PTPRN2: variants seen among roughly 807,000 people sequenced by gnomAD.
The protein encoded by PTPRN2 is receptor-type tyrosine-protein phosphatase N2.
A neutral mutation model predicts 118.8 loss-of-function variants in PTPRN2; 74 were observed. The ratio of observed to expected loss-of-function variants is 0.62; its 90% confidence interval spans 0.52 to 0.76. The LOEUF is 0.76. Ranked by LOEUF, PTPRN2 falls within the 30% of genes least tolerant of loss-of-function variation. PTPRN2 has a pLI of 0.00. For synonymous variants in PTPRN2, 641 were observed against 608.0 expected (o/e 1.05, Z -0.80); for missense variants, 1,481 against 1,394.4 (o/e 1.06, Z -0.99).
At chr7:157,643,500 G>A (rs528602426) in intron 14 of PTPRN2, among the ~76,000 whole-genome samples, 9 of 152,346 alleles carry the variant, frequency 5.9e-5, no homozygotes, top group South Asian at 2.1e-4. Context: ...GCACTGTGGC[G>A]GAGGTGTGGG....
chr7:157,634,768 C>T (rs1006275032), intron 14 of PTPRN2, among the ~76,000 whole-genome samples: 1 of 152,226 alleles, frequency 6.6e-6, no homozygotes, highest in African/African-American at 2.4e-5. Flanking sequence ...CGTAGGCTGA[C>T]AGGGGTTCTA....
At position 158,523,697 on chromosome 7, in the gene PTPRN2, GTGGAGT is replaced by G. The variant is rs1235636343; in HGVS notation, c.113-33918_113-33913del. 2.6e-3 allele frequency among the ~76,000 whole-genome samples: 383 copies of G among 147,336 alleles called. 2 individuals are homozygous for G. The highest frequency in any genetic ancestry group is 3.5e-3 in the Middle Eastern group (1 of 286). On this transcript the variant is annotated intron_variant, in intron 1 of 22. Coordinates refer to ENST00000389418, the MANE Select transcript of PTPRN2 (RefSeq NM_002847.5). Reference sequence around the variant, plus strand: ...CTGGAGCGGAGTCGTCTGCCCTGGAGTGGAGTCGTCTGCCCTGGAGTGGAGTCTGCC... The same window carrying G: ...CTGGAGCGGAGTCGTCTGCCCTGGAGCGTCTGCCCTGGAGTGGAGTCTGCC...
At chr7:158,579,594 G>A (rs189518257) in intron 1 of PTPRN2, among the ~76,000 whole-genome samples, 113 of 152,356 alleles carry the variant, frequency 7.4e-4, no homozygotes, top group African/African-American at 2.6e-3. Flanking sequence ...TGATTGGAAA[G>A]ATAAGGTGAC....
chr7:158,317,517 CAG>C (rs1430771662), intron 2 of PTPRN2, among the ~76,000 whole-genome samples: 1 of 152,222 alleles, frequency 6.6e-6, no homozygotes, highest in East Asian at 1.9e-4. Flanking sequence ...TCTGAAATGG[CAG>C]ACTCTGCTCA....
intron 3 of PTPRN2, among the ~76,000 whole-genome samples, chr7:158,221,229 A>C (rs926602436): frequency 2.6e-5 from 4 of 152,146 alleles, no homozygotes; most frequent in African/African-American, 7.2e-5. Context: ...AGATGGCTTA[A>C]AGATTTAAAT....
intron 6 of PTPRN2, among the ~76,000 whole-genome samples, chr7:158,161,216 G>C (rs1585688820): frequency 6.6e-6 from 1 of 152,316 alleles, no homozygotes; most frequent in Middle Eastern, 3.4e-3. Flanking sequence ...ATACAAGCAA[G>C]TTTATTCTAA....
chr7:157,959,506 C>T (rs1009544836), intron 11 of PTPRN2, among the ~76,000 whole-genome samples: 1 of 152,310 alleles, frequency 6.6e-6, no homozygotes, highest in Middle Eastern at 3.4e-3. Flanking sequence ...AAGACTCCTA[C>T]ACCCAACAAC....
At chr7:158,048,924 A>G (rs1809101522) in intron 11 of PTPRN2, among the ~76,000 whole-genome samples, 1 of 126,568 alleles carries the variant, frequency 7.9e-6, no homozygotes, top group Admixed American at 7.8e-5. Flanking sequence ...CACCATCATC[A>G]CTATCACCAA....
chr7:157,875,243 C>T lies in PTPRN2; in HGVS notation c.1788+23430G>A, dbSNP rs559272685. Among the ~76,000 whole-genome samples, 12 of 152,300 alleles carry T rather than the reference C, an allele frequency of 7.9e-5. No homozygotes were observed. In the South Asian group the frequency reaches 2.1e-3, roughly 26 times the overall value. ...TAAAGGGCTTGGAAACGGTCCAGACCGTGCTGTCCTGGAAGTCTCCTGGGG... is the reference window on the plus strand; with the variant it reads ...TAAAGGGCTTGGAAACGGTCCAGACTGTGCTGTCCTGGAAGTCTCCTGGGG... On this transcript the variant is annotated intron_variant, in intron 12 of 22. Coordinates refer to ENST00000389418, the MANE Select transcript of PTPRN2 (RefSeq NM_002847.5).
chr7:158,578,430 G>A (rs1828453504), intron 1 of PTPRN2, among the ~76,000 whole-genome samples: 1 of 151,478 alleles, frequency 6.6e-6, no homozygotes, highest in Admixed American at 6.6e-5. Context: ...AGCTACTCAG[G>A]AGGCTGAGTG....
In PTPRN2 at chr7:158,211,962, C is replaced by T. The variant is rs535525069; in HGVS notation, c.278-6689G>A. ...ACAACAGTGAACATTTGGAAGCAAC[C>T]TAAATGTCCATCAACAGATGAATGG... On this transcript the variant is annotated intron_variant, in intron 3 of 22. Transcript: ENST00000389418. 3.3e-5 allele frequency among the ~76,000 whole-genome samples: 5 copies of T among 152,268 alleles called. No individual in the cohort carries two copies. In the South Asian group the frequency reaches 1.0e-3, roughly 32 times the overall value.
intron 1 of PTPRN2, among the ~76,000 whole-genome samples, chr7:158,497,367 G>A (rs977138125): frequency 5.3e-5 from 8 of 150,490 alleles, no homozygotes; most frequent in Admixed American, 3.3e-4. Context: ...CCGATCCAGA[G>A]TATGGAGCCC....
rs1426645110 is a variant in PTPRN2, at chr7:157,590,367, A to G, written c.2496+4871T>C. On this transcript the variant is annotated intron_variant, in intron 17 of 22. Transcript: ENST00000389418. The surrounding 1 kb of genome is among the most constrained non-coding windows in gnomAD (Gnocchi z 4.0). ...TCCACAGACCCCTCTGAGCTGGAGT[A>G]AGGACCAGGAATTCAGCCGAATGAT... 6.6e-6 allele frequency among the ~76,000 whole-genome samples: 1 copy of G among 152,242 alleles called. No individual in the cohort carries two copies.
Position 158,119,435 on chromosome 7 carries a change from T to A in PTPRN2, c.1557-8520A>T, listed in dbSNP as rs184746010. Among the ~76,000 whole-genome samples, 3 of 152,180 alleles carry A rather than the reference T, an allele frequency of 2.0e-5. No homozygotes were observed. The South Asian group carries it at 6.2e-4, about 32-fold the overall frequency. On this transcript the variant is annotated intron_variant, in intron 9 of 22. Coordinates refer to ENST00000389418, the MANE Select transcript of PTPRN2 (RefSeq NM_002847.5). ...AACTCCTGTGCCTTGTTGGTGAGAA[T>A]GTAACACGGTATATCAAGTGTGGAA... is the stretch of plus-strand genomic sequence containing the variant.
intron 11 of PTPRN2, among the ~76,000 whole-genome samples, chr7:157,982,131 TGCAGCGTCCCCCATAA>T (rs1803244971): frequency 1.7e-5 from 2 of 118,022 alleles, no homozygotes; most frequent in East Asian, 2.6e-4. Context: ...GAATGCAGAG[TGCAGCGTCCCCCATAA>T]ACCCCGAGTC....
chr7:157,838,178 C>T (rs1322997289), intron 12 of PTPRN2, among the ~76,000 whole-genome samples: 4 of 149,414 alleles, frequency 2.7e-5, no homozygotes, highest in Non-Finnish European at 5.9e-5. Context: ...TCCAGTTCCT[C>T]TCATAGTGGA....
chr7:158,306,748 A>G (rs957400814), intron 3 of PTPRN2, among the ~76,000 whole-genome samples: 1 of 152,228 alleles, frequency 6.6e-6, no homozygotes. Flanking sequence ...TTTTTGAGGC[A>G]TTCAAAGAAA....
chr7:158,273,519 T>G (rs1276711733), intron 3 of PTPRN2, among the ~76,000 whole-genome samples: 36 of 20,732 alleles, frequency 1.7e-3, no homozygotes, highest in Admixed American at 3.1e-3. Context: ...CAGACAGACA[T>G]GGGAGGAGCC....
rs1796921293 is a variant in PTPRN2, at chr7:157,893,381, C to T, written c.1788+5292G>A. On this transcript the variant is annotated intron_variant, in intron 12 of 22. Coordinates refer to ENST00000389418, the MANE Select transcript of PTPRN2 (RefSeq NM_002847.5). The surrounding 1 kb of genome is among the most constrained non-coding windows in gnomAD (Gnocchi z 4.0). ...TCTGCCCTCAGCCCCCACGGTCCCCCGCAGTCTAGGGAGAACCTTCCTTCC... is the reference window on the plus strand; with the variant it reads ...TCTGCCCTCAGCCCCCACGGTCCCCTGCAGTCTAGGGAGAACCTTCCTTCC... Among the ~76,000 whole-genome samples the T allele has an allele frequency of 1.3e-5, 2 of 152,162 alleles. No individual in the cohort carries two copies. Among genetic ancestry groups the T allele is most frequent in the African/African-American group, 2.4e-5 (1 of 41,430 alleles).
Sources: allele counts gnomAD v4.1 joint callset (sites outside exome capture counted in the v4.1 genomes callset), GRCh38; gene constraint gnomAD v4.1.1; non-coding constraint Gnocchi (gnomAD v3.1); transcripts MANE v1.5; gene names NCBI Gene and HGNC (gene_info 2026-07-23, HGNC 2026-07-21).